The following RFX3 variants were observed in gnomAD, a reference collection of about 807,000 sequenced individuals.
The protein encoded by RFX3 is transcription factor RFX3.
A neutral mutation model predicts 98.6 loss-of-function variants in RFX3; 14 were observed. The ratio of observed to expected loss-of-function variants is 0.14; its 90% CI spans 0.09 to 0.22. RFX3 has a LOEUF of 0.22. Among genes scored for constraint, RFX3 ranks in the 10% least tolerant of loss-of-function variants. The probability of loss-of-function intolerance (pLI) is 1.00; values close to 1 mark genes in which losing one functional copy is unlikely to be tolerated. For synonymous variants in RFX3, 383 were observed against 328.4 expected, an observed-to-expected ratio of 1.17 and a Z score of -1.80; for missense variants, 639 against 926.9, an observed-to-expected ratio of 0.69 and a Z score of 4.03.
chr9:3,331,979 C>A (rs1181580187), intron 3 of RFX3, among the ~76,000 whole-genome samples: 1 of 152,110 alleles, frequency 6.6e-6, no homozygotes, highest in African/African-American at 2.4e-5. Flanking sequence ...CTCTCTTGTT[C>A]TTTCTTCCAC....
At chr9:3,284,500 G>T (rs2991328) in intron 7 of RFX3, among the ~76,000 whole-genome samples, 88,016 of 151,328 alleles carry the variant, frequency 0.58, 28,464 homozygotes, top group African/African-American at 0.88. Context: ...CTGTTACACA[G>T]TCTCCTGCCT....
intron 12 of RFX3, among the ~76,000 whole-genome samples, chr9:3,265,745 C>A (rs1448223507): frequency 6.6e-6 from 1 of 151,888 alleles, no homozygotes; most frequent in Non-Finnish European, 1.5e-5. Flanking sequence ...AGAAAAACAC[C>A]AAAACATCCT....
Position 3,275,545 on chromosome 9 carries a change from A to C in RFX3, c.1041T>G (p.Phe347Leu). 6.2e-7 allele frequency: 1 copy of C among 1,612,692 alleles called. No individual in the cohort carries two copies. The highest frequency in any genetic ancestry group is 8.5e-7 in the Non-Finnish European group (1 of 1,178,856). Residue 347 changes from phenylalanine (F) to leucine (L), a missense_variant, in exon 9 of 17, where the codon TTT becomes TTG. Coordinates refer to ENST00000617270, the MANE Select transcript of RFX3 (RefSeq NM_001282116.2). ...GACTCTGCAGTGACTTGATATCCTC[A>C]AAGGTAGTACCATCTGGCAGAGAAG... ...EISSLPDGTT[F>L]EDIKSLQSLY...
chr9:3,278,973 C>A (rs528275590), intron 7 of RFX3, among the ~76,000 whole-genome samples: 2 of 151,708 alleles, frequency 1.3e-5, no homozygotes, highest in Non-Finnish European at 2.9e-5. Context: ...ATGGAAAAAC[C>A]TTCTGGGAGG....
chr9:3,270,655 T>C (rs1166741876), intron 10 of RFX3, 130 bp from the exon 11 acceptor site: 7 of 871,884 alleles, frequency 8.0e-6, no homozygotes, highest in Non-Finnish European at 1.2e-5. Context: ...ACTGGTGCCA[T>C]ACAGCTGGCT....
intron 3 of RFX3, among the ~76,000 whole-genome samples, chr9:3,343,068 T>C (rs979145356): frequency 2.6e-5 from 4 of 152,240 alleles, no homozygotes; most frequent in African/African-American, 9.6e-5. Context: ...ATTGTCCATA[T>C]TCACAGGGAG....
rs2130476978 is a variant in RFX3 at position 3,220,280 on chromosome 9, A to G, written c.*4762T>C. 6.6e-6 allele frequency: 1 copy of G among 152,206 alleles called. No homozygotes were observed. The highest frequency in any genetic ancestry group is 1.5e-5 in the Non-Finnish European group (1 of 68,010). The allele number at this position is 152,206 out of a possible 1,614,324, so 9.4% of individuals were successfully genotyped here. On this transcript the variant is annotated 3_prime_UTR_variant, in exon 17 of 17. Coordinates refer to ENST00000617270, the MANE Select transcript of RFX3 (RefSeq NM_001282116.2). ...CGAACTCCTTTCTTCCTAAGGCTTTACTTACACTTGTACTTTCTAAAGCTA... is the reference window on the plus strand; with the variant it reads ...CGAACTCCTTTCTTCCTAAGGCTTTGCTTACACTTGTACTTTCTAAAGCTA...
chr9:3,244,217 G>T (rs1415907126), intron 15 of RFX3, among the ~76,000 whole-genome samples: 1 of 151,898 alleles, frequency 6.6e-6, no homozygotes, highest in Non-Finnish European at 1.5e-5. Context: ...TATTGGTTAG[G>T]CTGGTCTCAA....
intron 2 of RFX3, among the ~76,000 whole-genome samples, chr9:3,377,027 A>T (rs1164160656): frequency 6.6e-6 from 1 of 152,242 alleles, no homozygotes; most frequent in Non-Finnish European, 1.5e-5. Flanking sequence ...ATTGTGAAAG[A>T]CAGTGTGGCG....
chr9:3,389,811 A>G lies in RFX3; in HGVS notation c.117+5661T>C, dbSNP rs138245313. On this transcript the variant is annotated intron_variant, in intron 2 of 16. Transcript: ENST00000617270. Reference sequence around the variant, plus strand: ...TCTCTCATTATGTATATGCAAATATACCACAAACTGAAAAAAGTTCCAAAG... The same window carrying G: ...TCTCTCATTATGTATATGCAAATATGCCACAAACTGAAAAAAGTTCCAAAG... Among the ~76,000 whole-genome samples, 83 of 152,258 alleles carry G rather than the reference A, an allele frequency of 5.5e-4. 2 individuals are homozygous for G. In the East Asian group the frequency reaches 0.016, roughly 29 times the overall value.
intron 2 of RFX3, among the ~76,000 whole-genome samples, chr9:3,394,538 C>T (rs1334899538): frequency 6.6e-6 from 1 of 152,176 alleles, no homozygotes; most frequent in Non-Finnish European, 1.5e-5. Context: ...GACTTCTGTA[C>T]GATTGCAGCA....
At chr9:3,289,728 T>C (rs890095446) in intron 6 of RFX3, among the ~76,000 whole-genome samples, 13 of 152,190 alleles carry the variant, frequency 8.5e-5, no homozygotes, top group African/African-American at 2.9e-4. Flanking sequence ...GAGAGAAGCA[T>C]ATCCATGGTC....
chr9:3,322,631 G>T (rs1300606306), intron 4 of RFX3, among the ~76,000 whole-genome samples: 2 of 152,114 alleles, frequency 1.3e-5, no homozygotes, highest in Non-Finnish European at 1.5e-5. Flanking sequence ...TACTAGGGAG[G>T]CTGAGATAGG....
At chr9:3,290,091 A>G (rs888892309) in intron 6 of RFX3, among the ~76,000 whole-genome samples, 2 of 152,026 alleles carry the variant, frequency 1.3e-5, no homozygotes, top group African/African-American at 4.8e-5. Flanking sequence ...TTACATTAGA[A>G]TTCTGTCTTC....
At chr9:3,371,366 T>C (rs1837825045) in intron 2 of RFX3, among the ~76,000 whole-genome samples, 1 of 152,200 alleles carries the variant, frequency 6.6e-6, no homozygotes, top group Non-Finnish European at 1.5e-5. Flanking sequence ...ATACTTTATA[T>C]TAGAGCAAAG....
chr9:3,441,721 T>A (rs949308318), intron 1 of RFX3, among the ~76,000 whole-genome samples: 1 of 151,972 alleles, frequency 6.6e-6, no homozygotes, highest in African/African-American at 2.4e-5. Context: ...ATTGGAGAAA[T>A]AAATGGGAGA....
chr9:3,505,179 AATATATATATGAATATATATTT>A (rs1489234048), intron 1 of RFX3, among the ~76,000 whole-genome samples: 33 of 81,132 alleles, frequency 4.1e-4, no homozygotes, highest in African/African-American at 4.6e-4. Context: ...TATTCATATA[AATATATATATGAATATATATTT>A]ATATATATAT....
chr9:3,263,238 A>C (rs1221733844), intron 12 of RFX3, among the ~76,000 whole-genome samples, 154 bp from the exon 13 acceptor site: 2 of 152,190 alleles, frequency 1.3e-5, no homozygotes, highest in African/African-American at 4.8e-5. Context: ...TGTAAATTAC[A>C]GCATTTAAAT....
intron 7 of RFX3, among the ~76,000 whole-genome samples, chr9:3,284,455 T>A (rs1298622029): frequency 6.6e-6 from 1 of 151,728 alleles, no homozygotes; most frequent in Non-Finnish European, 1.5e-5. Flanking sequence ...TATTTTCATA[T>A]GAAGTATTTT....
Sources: allele counts gnomAD v4.1 joint callset (sites outside exome capture counted in the v4.1 genomes callset), GRCh38; gene constraint gnomAD v4.1.1; transcripts MANE v1.5; gene names NCBI Gene and HGNC (gene_info 2026-07-23, HGNC 2026-07-21).